The following RIPOR1 variants were observed in gnomAD, a reference collection of about 807,000 sequenced individuals.
The protein encoded by RIPOR1 is rho family-interacting cell polarization regulator 1.
RIPOR1 carries 58 observed loss-of-function variants against 116.5 expected under a neutral mutation model. The observed-to-expected ratio is 0.50, with a 90% CI of 0.40 to 0.62. The LOEUF (loss-of-function observed/expected upper bound fraction) is 0.62, where lower values mean the gene tolerates loss of function less well. RIPOR1 is among the 20% of genes least tolerant of loss of function. The pLI is 0.00. For missense variants in RIPOR1, 1,372 were observed against 1,586.2 expected (o/e 0.86, Z 2.29); for synonymous variants, 605 against 650.0 (o/e 0.93, Z 1.05).
At chr16:67,526,883 T>C (rs1194286581), upstream of RIPOR1, among the ~76,000 whole-genome samples, 1 of 152,184 alleles carries the variant, frequency 6.6e-6, no homozygotes, top group Non-Finnish European at 1.5e-5. Context: ...CCCCAGTCTC[T>C]AGCTCAGGTG....
chr16:67,539,638 G>A, intron 4 of RIPOR1, 90 bp from the exon 5 acceptor site: 11 of 1,476,046 alleles, frequency 7.5e-6, no homozygotes, highest in Non-Finnish European at 1.0e-5. Context: ...ACTGTGGTGT[G>A]AGAAAGGGGA....
At chr16:67,538,633 C>T (rs1393447325) in intron 2 of RIPOR1, 39 bp from the exon 3 acceptor site, 2 of 1,609,676 alleles carry the variant, frequency 1.2e-6, no homozygotes, top group Non-Finnish European at 1.7e-6. Flanking sequence ...GTCTGGGGGA[C>T]TCCTGCTCTC....
At position 67,538,429 on chromosome 16, in the gene RIPOR1, C is replaced by T. The variant is rs2050865451; in HGVS notation, c.-18C>T. 2 of 1,582,890 alleles carry T rather than the reference C, an allele frequency of 1.3e-6. No homozygotes were observed. Among genetic ancestry groups the T allele is most frequent in the African/African-American group, 2.7e-5 (2 of 74,254 alleles). On this transcript the variant is annotated 5_prime_UTR_variant, in exon 2 of 22. Transcript: ENST00000042381. ...ACCCCCCCGATCACCCGCAGGGAGCCCCGCGCGGACTCACTCTATGATGTC... is the reference window on the plus strand; with the variant it reads ...ACCCCCCCGATCACCCGCAGGGAGCTCCGCGCGGACTCACTCTATGATGTC...
chr16:67,542,262 T>C lies in RIPOR1; in HGVS notation c.1476T>C (p.Ser492=). Residue 492 remains serine, a synonymous_variant, in exon 13 of 22, where the codon AGT becomes AGC. Coordinates refer to ENST00000042381, the MANE Select transcript of RIPOR1 (RefSeq NM_024519.4). The surrounding 1 kb of genome is among the most constrained non-coding windows in gnomAD (Gnocchi z 4.6). The part of the protein sequence containing the change: ...HPAPTHGEHP[S]PVPPALDPGH... Reference sequence around the variant, plus strand: ...CTCCCACCCATGGAGAGCACCCCAGTCCTGTTCCTCCTGCCCTGGACCCTG... The same window carrying C: ...CTCCCACCCATGGAGAGCACCCCAGCCCTGTTCCTCCTGCCCTGGACCCTG... 1 of 1,613,804 alleles carries C rather than the reference T, an allele frequency of 6.2e-7. No homozygotes were observed. Among genetic ancestry groups the C allele is most frequent in the Non-Finnish European group, 8.5e-7 (1 of 1,179,910 alleles).
chr16:67,544,775 G>A lies in RIPOR1; in HGVS notation c.2814G>A (p.Glu938=). ...TGCTGCGGGAAGCCCGAGTACTGGA[G>A]GCAGTATGCGAGTTCAGCAGGCGGT... ...ERLLREARVL[E]AVCEFSRRWE... The change falls in exon 16 of 22, where the codon GAG becomes GAA. Residue 938 remains glutamate (E), a synonymous_variant. Transcript: ENST00000042381. This position sits in a 1 kb window ranked among gnomAD's most constrained non-coding sequence, Gnocchi z 5.1. The A allele has an allele frequency of 6.2e-7, 1 of 1,606,152 alleles. No individual in the cohort carries two copies. The highest frequency in any genetic ancestry group is 1.7e-5 in the Admixed American group (1 of 59,778).
Position 67,543,661 on chromosome 16 carries a change from C to A in RIPOR1, c.2600+192C>A. On this transcript the variant is annotated intron_variant, in intron 14 of 21. Coordinates refer to ENST00000042381, the MANE Select transcript of RIPOR1 (RefSeq NM_024519.4). The surrounding 1 kb of genome is among the most constrained non-coding windows in gnomAD (Gnocchi z 4.7). Reference sequence around the variant, plus strand: ...GTCCACCCCTCCCATGTCCTTCATGCCCATGTCTCCAACCCTACGTGTGTC... The same window carrying A: ...GTCCACCCCTCCCATGTCCTTCATGACCATGTCTCCAACCCTACGTGTGTC... The A allele has an allele frequency of 1.4e-6, 1 of 718,242 alleles. No individual in the cohort carries two copies. The highest frequency in any genetic ancestry group is 2.3e-6 in the Non-Finnish European group (1 of 429,526). The allele number at this position is 718,242 out of a possible 1,614,324, so 44.5% of individuals were successfully genotyped here.
Position 67,537,857 on chromosome 16 carries a change from C to G in RIPOR1, c.-23-567C>G, listed in dbSNP as rs1001141901. Among the ~76,000 whole-genome samples the G allele has an allele frequency of 6.6e-6, 1 of 151,896 alleles. No individual in the cohort carries two copies. The highest frequency in any genetic ancestry group is 1.9e-4 in the East Asian group (1 of 5,144). ...CCTGCCTGGAGGGCGCCGGGACGCC[C>G]GGGCCGGTGGGGGCTGGGGGCAGCA... is the stretch of plus-strand genomic sequence containing the variant. On this transcript the variant is annotated intron_variant, in intron 1 of 21. Transcript: ENST00000042381. The surrounding 1 kb of genome is among the most constrained non-coding windows in gnomAD (Gnocchi z 4.6).
In RIPOR1 at chr16:67,545,982, G is replaced by A. The variant is rs1241527838; in HGVS notation, c.3421G>A (p.Glu1141Lys). The A allele has an allele frequency of 1.2e-6, 2 of 1,613,866 alleles. No homozygotes were observed. Among genetic ancestry groups the A allele is most frequent in the East Asian group, 2.2e-5 (1 of 44,894 alleles). ...LLCFLDQLED[E>K]DVQTRVAGCL... ...GTGCTTCCTGGACCAGCTGGAGGAT[G>A]AGGACGTGCAGACTCGAGTGGCTGG... The change falls in exon 20 of 22, where the codon GAG becomes AAG. Residue 1141 changes from glutamate to lysine, a missense_variant. By Grantham distance (56) the Glu-to-Lys change is moderately conservative. Coordinates refer to ENST00000042381, the MANE Select transcript of RIPOR1 (RefSeq NM_024519.4). The surrounding 1 kb of genome is among the most constrained non-coding windows in gnomAD (Gnocchi z 4.8).
chr16:67,535,828 G>A (rs1375378116), intron 1 of RIPOR1, among the ~76,000 whole-genome samples: 1 of 152,172 alleles, frequency 6.6e-6, no homozygotes, highest in Admixed American at 6.5e-5. Context: ...CGATAGGCAG[G>A]CAATCCATGG....
At position 67,545,533 on chromosome 16, in the gene RIPOR1, G is replaced by C. The variant is rs1458438988; in HGVS notation, c.3189G>C (p.Glu1063Asp). 1.2e-6 allele frequency: 2 copies of C among 1,613,910 alleles called. No homozygotes were observed. The highest frequency in any genetic ancestry group is 1.7e-6 in the Non-Finnish European group (2 of 1,180,010). The change falls in exon 18 of 22, where the codon GAG becomes GAC. Residue 1063 changes from glutamate (E) to aspartate (D), a missense_variant and splice_region_variant. By Grantham distance (45) the Glu-to-Asp change is conservative (BLOSUM62 2). Coordinates refer to ENST00000042381, the MANE Select transcript of RIPOR1 (RefSeq NM_024519.4). This position sits in a 1 kb window ranked among gnomAD's most constrained non-coding sequence, Gnocchi z 4.8. ...MEAYVTETAE[E>D]VLLVRNLNSD... The stretch of plus-strand genomic sequence containing the variant: ...CCTACGTGACTGAGACCGCTGAGGA[G>C]GGTGAGGCGGTGGCCCTGATCACAT...
intron 1 of RIPOR1, among the ~76,000 whole-genome samples, chr16:67,536,176 G>A (rs1282114663): frequency 3.9e-5 from 6 of 152,170 alleles, no homozygotes; most frequent in Non-Finnish European, 7.3e-5. Context: ...GGCTGGGCGC[G>A]GTGGCTCATG....
chr16:67,540,476 G>C lies in RIPOR1; in HGVS notation c.650G>C (p.Arg217Thr), dbSNP rs1260881636. 6.2e-7 allele frequency: 1 copy of C among 1,614,202 alleles called. No individual in the cohort carries two copies. Among genetic ancestry groups the C allele is most frequent in the Admixed American group, 1.7e-5 (1 of 60,034 alleles). Residue 217 changes from arginine to threonine, a missense_variant, in exon 9 of 22, where the codon AGG becomes ACG. Around this residue, in one of 3 missense-constraint regions of RIPOR1, gnomAD observed 202 missense variants for 295.9 expected, o/e 0.68. Transcript: ENST00000042381. This position sits in a 1 kb window ranked among gnomAD's most constrained non-coding sequence, Gnocchi z 4.7. Reference sequence around the variant, plus strand: ...AACTCAGGGCTGGCTGGCTTCGCCAGGCTGTGTGTAGGCGATCAGTATGAG... The same window carrying C: ...AACTCAGGGCTGGCTGGCTTCGCCACGCTGTGTGTAGGCGATCAGTATGAG... ...LRMKGLAGFA[R>T]LCVGDQYEIC...
chr16:67,532,051 C>T (rs2142441665), intron 1 of RIPOR1, among the ~76,000 whole-genome samples: 1 of 151,498 alleles, frequency 6.6e-6, no homozygotes. Flanking sequence ...GCCACCACGC[C>T]CAGCTAATTT....
Position 67,537,652 on chromosome 16 carries a change from G to C in RIPOR1, c.-23-772G>C. ...CAGGGACTGGCCCCAGGGGAAGCAG[G>C]CCGGGTTTGGGGGCCAGGAGTGTGT... On this transcript the variant is annotated intron_variant, in intron 1 of 21. Coordinates refer to ENST00000042381, the MANE Select transcript of RIPOR1 (RefSeq NM_024519.4). This position sits in a 1 kb window ranked among gnomAD's most constrained non-coding sequence, Gnocchi z 4.6. The C allele has an allele frequency of 7.9e-7, 1 of 1,268,250 alleles. No homozygotes were observed. Among genetic ancestry groups the C allele is most frequent in the Non-Finnish European group, 1.0e-6 (1 of 975,518 alleles). The allele number at this position is 1,268,250 out of a possible 1,614,324, so 78.6% of individuals were successfully genotyped here. A position where few individuals can be genotyped will look rare whatever the true frequency, so the allele number is the denominator to read the frequency against.
chr16:67,541,835 G>A lies in RIPOR1; in HGVS notation c.1081-32G>A, dbSNP rs2050996081. The A allele has an allele frequency of 6.2e-7, 1 of 1,613,194 alleles. No individual in the cohort carries two copies. Among genetic ancestry groups the A allele is most frequent in the Non-Finnish European group, 8.5e-7 (1 of 1,179,368 alleles). On this transcript the variant is annotated intron_variant, in intron 12 of 21. Transcript: ENST00000042381. The surrounding 1 kb of genome is among the most constrained non-coding windows in gnomAD (Gnocchi z 4.6). ...ACCATCCCCCAGAGGCTCCCTGGGG[G>A]TGGTTCTGAAATGCCCTCTCCTCTT...
intron 1 of RIPOR1, among the ~76,000 whole-genome samples, chr16:67,532,058 AT>A (rs56900618): frequency 4.8e-3 from 693 of 143,956 alleles, no homozygotes; most frequent in Non-Finnish European, 6.9e-3. Context: ...CGCCCAGCTA[AT>A]TTTTTTTTTT....
In RIPOR1 at chr16:67,544,698, C is replaced by G. The variant is rs780713563; in HGVS notation, c.2737C>G (p.Leu913Val). 1 of 1,613,110 alleles carries G rather than the reference C, an allele frequency of 6.2e-7. No individual in the cohort carries two copies. The highest frequency in any genetic ancestry group is 1.7e-5 in the Admixed American group (1 of 60,034). ...LYHCSRLLLKLGTFGPLRCQE... is the reference protein window; with the variant it reads ...LYHCSRLLLKVGTFGPLRCQE... The stretch of plus-strand genomic sequence containing the variant: ...CTTGGCCACCCATGTTCTCCAGAAA[C>G]TGGGCACATTTGGGCCCCTGCGCTG... Residue 913 changes from leucine (L) to valine (V), a missense_variant, in exon 16 of 22, where the codon CTG (leucine) becomes GTG (valine). Physicochemically the swap from Leu to Val is conservative, Grantham distance 32. Coordinates refer to ENST00000042381, the MANE Select transcript of RIPOR1 (RefSeq NM_024519.4). This position sits in a 1 kb window ranked among gnomAD's most constrained non-coding sequence, Gnocchi z 5.1.
At position 67,541,359 on chromosome 16, in the gene RIPOR1, C is replaced by T. The variant is rs1208373119; in HGVS notation, c.802-71C>T. ...CCATTTTATAAGTTCTATGCAAATT[C>T]AGACCTCAGATTTCCCATGATCTCA... On this transcript the variant is annotated intron_variant, in intron 10 of 21. Transcript: ENST00000042381. The surrounding 1 kb of genome is among the most constrained non-coding windows in gnomAD (Gnocchi z 4.6). The T allele has an allele frequency of 2.1e-5, 32 of 1,527,884 alleles. No individual in the cohort carries two copies. In the South Asian group the frequency reaches 3.8e-4, roughly 18 times the overall value. The allele number at this position is 1,527,884 out of a possible 1,614,324, so 94.6% of individuals were successfully genotyped here. A position where few individuals can be genotyped will look rare whatever the true frequency, so the allele number is the denominator to read the frequency against.
At chr16:67,524,933 C>T (rs1292627336), upstream of RIPOR1, among the ~76,000 whole-genome samples, 2 of 152,202 alleles carry the variant, frequency 1.3e-5, no homozygotes, top group Non-Finnish European at 2.9e-5. Context: ...CCACAAAATC[C>T]CCCAGCCTAA....
Sources: gnomAD v4.1 joint callset for allele counts (sites outside exome capture counted in the v4.1 genomes callset) on GRCh38, gnomAD v4.1.1 for gene constraint, gnomAD v4.1.1 regional missense constraint, Gnocchi (gnomAD v3.1) non-coding constraint, MANE v1.5 for transcripts, NCBI Gene and HGNC (gene_info 2026-07-23, HGNC 2026-07-21) for gene names.